ADAMTSL3: variants seen among roughly 807,000 people sequenced by gnomAD.
ADAMTSL3 encodes ADAMTS like 3.
Under a neutral mutation model 201.7 loss-of-function variants are expected in ADAMTSL3, and 128 were observed. The ratio of observed to expected loss-of-function variants is 0.63; its 90% confidence interval spans 0.55 to 0.73. ADAMTSL3 has a LOEUF of 0.73. Ranked by LOEUF, ADAMTSL3 falls within the 30% of genes least tolerant of loss-of-function variation. ADAMTSL3 has a pLI of 0.00. For missense variants in ADAMTSL3, 1,990 were observed against 2,119.6 expected, an observed-to-expected ratio of 0.94 and a Z score of 1.20; for synonymous variants, 738 against 748.4, an observed-to-expected ratio of 0.99 and a Z score of 0.23.
intron 3 of ADAMTSL3, among the ~76,000 whole-genome samples, chr15:83,708,966 C>T (rs1485868948): frequency 6.6e-6 from 1 of 152,126 alleles, no homozygotes; most frequent in African/African-American, 2.4e-5. Context: ...CACTCCAAAC[C>T]CAAGGCTCTC....
chr15:83,967,368 A>T (rs1381215774), intron 19 of ADAMTSL3, among the ~76,000 whole-genome samples: 1 of 152,208 alleles, frequency 6.6e-6, no homozygotes, highest in African/African-American at 2.4e-5. Flanking sequence ...AATCACAAGC[A>T]TTCCTATACA....
At chr15:83,935,503 A>G (rs2066445751) in intron 17 of ADAMTSL3, among the ~76,000 whole-genome samples, 2 of 152,154 alleles carry the variant, frequency 1.3e-5, no homozygotes, top group South Asian at 4.1e-4. Context: ...GAATTAATGA[A>G]AAAATATGAA....
At chr15:83,888,796 A>G (rs1411573861) in intron 10 of ADAMTSL3, among the ~76,000 whole-genome samples, 1 of 152,144 alleles carries the variant, frequency 6.6e-6, no homozygotes, top group Non-Finnish European at 1.5e-5. Context: ...CTTGCTTTTT[A>G]TAATGCATAC....
intron 3 of ADAMTSL3, among the ~76,000 whole-genome samples, chr15:83,736,083 C>G (rs918555708): frequency 2.0e-5 from 3 of 152,176 alleles, no homozygotes; most frequent in Non-Finnish European, 4.4e-5. Flanking sequence ...TCCTCAGATT[C>G]ATCCAACATA....
intron 2 of ADAMTSL3, among the ~76,000 whole-genome samples, chr15:83,661,174 G>T (rs1038422132): frequency 1.4e-4 from 21 of 151,980 alleles, no homozygotes; most frequent in Admixed American, 5.2e-4. Flanking sequence ...ATGCTGTTTT[G>T]GTTACTGTAG....
intron 17 of ADAMTSL3, among the ~76,000 whole-genome samples, chr15:83,941,208 ATTCTTTTGTCCTATT>A (rs2066552646): frequency 6.6e-6 from 1 of 151,888 alleles, no homozygotes; most frequent in Non-Finnish European, 1.5e-5. Context: ...TAAAACTTTT[ATTCTTTTGTCCTATT>A]ATATCTGCAT....
At chr15:83,661,281 A>G (rs2061159340) in intron 2 of ADAMTSL3, among the ~76,000 whole-genome samples, 2 of 151,560 alleles carry the variant, frequency 1.3e-5, no homozygotes, top group South Asian at 2.1e-4. Flanking sequence ...TTTTGGTTCC[A>G]TATGAACTTT....
intron 2 of ADAMTSL3, among the ~76,000 whole-genome samples, chr15:83,704,038 G>GA (rs2061813359): frequency 7.1e-6 from 1 of 141,264 alleles, no homozygotes; most frequent in African/African-American, 2.7e-5. Context: ...AAGAAGAAAA[G>GA]AAAATCCTAA....
chr15:83,834,324 G>C lies in ADAMTSL3; in HGVS notation c.601-3765G>C, dbSNP rs760044288. Among the ~76,000 whole-genome samples, 14 of 152,100 alleles carry C rather than the reference G, an allele frequency of 9.2e-5. No individual in the cohort carries two copies. In the East Asian group the frequency reaches 9.6e-4, roughly 10 times the overall value. On this transcript the variant is annotated intron_variant, in intron 6 of 29. Transcript: ENST00000286744. ...TTAATGACCACACCTAACTTCAAAG[G>C]GGGTGGAGAAGTGCAGACCTTCTGT...
chr15:83,868,082 G>A (rs1306000868), intron 8 of ADAMTSL3, among the ~76,000 whole-genome samples: 3 of 152,034 alleles, frequency 2.0e-5, no homozygotes, highest in East Asian at 1.9e-4. Flanking sequence ...AAGTTGGGCC[G>A]TGGGCAGCAG....
At chr15:83,771,076 C>A (rs1340101571) in intron 3 of ADAMTSL3, among the ~76,000 whole-genome samples, 2 of 150,968 alleles carry the variant, frequency 1.3e-5, no homozygotes, top group Non-Finnish European at 2.9e-5. Context: ...ATGTCAAAAA[C>A]AAAACAAAAC....
chr15:83,662,571 A>T (rs75183484), intron 2 of ADAMTSL3, among the ~76,000 whole-genome samples: 53 of 106,414 alleles, frequency 5.0e-4, no homozygotes, highest in South Asian at 8.8e-4. Flanking sequence ...AAAGTATAAT[A>T]AAAAAAAAAA....
At chr15:84,029,320 C>T (rs2068361651) in intron 27 of ADAMTSL3, among the ~76,000 whole-genome samples, 2 of 152,104 alleles carry the variant, frequency 1.3e-5, no homozygotes, top group African/African-American at 4.8e-5. Flanking sequence ...GAGATGGTCT[C>T]AGGTGGAGAT....
chr15:83,825,978 G>A (rs1431485094), intron 6 of ADAMTSL3, among the ~76,000 whole-genome samples: 1 of 152,168 alleles, frequency 6.6e-6, no homozygotes, highest in Non-Finnish European at 1.5e-5. Flanking sequence ...CATTTCAGTG[G>A]CAAAGTGGCA....
At chr15:83,669,659 G>A (rs1327093669) in intron 2 of ADAMTSL3, among the ~76,000 whole-genome samples, 8 of 150,934 alleles carry the variant, frequency 5.3e-5, no homozygotes, top group African/African-American at 1.2e-4. Context: ...TAGTAGAGAC[G>A]GGGTTTCACC....
intron 4 of ADAMTSL3, among the ~76,000 whole-genome samples, chr15:83,777,630 A>G (rs1567138162): frequency 1.3e-5 from 2 of 152,048 alleles, no homozygotes; most frequent in Admixed American, 6.6e-5. Flanking sequence ...AAAGTCAGCA[A>G]CCTCGAGGAT....
At chr15:83,802,692 G>T (rs1009824082) in intron 4 of ADAMTSL3, among the ~76,000 whole-genome samples, 5 of 152,188 alleles carry the variant, frequency 3.3e-5, no homozygotes, top group Admixed American at 1.3e-4. Context: ...AGCTGAGGGT[G>T]GGGGAAGAGG....
chr15:83,808,524 T>G (rs563451019), intron 5 of ADAMTSL3, among the ~76,000 whole-genome samples: 142 of 152,336 alleles, frequency 9.3e-4, no homozygotes, highest in Non-Finnish European at 1.7e-3. Context: ...TTATTGCTAT[T>G]AGTGGGAATG....
intron 27 of ADAMTSL3, among the ~76,000 whole-genome samples, chr15:84,027,760 C>A (rs148337327): frequency 1.3e-5 from 2 of 151,934 alleles, no homozygotes; most frequent in African/African-American, 4.8e-5. Flanking sequence ...AAAACTTGTA[C>A]ATGAATATTT....
Sources: gnomAD v4.1 joint callset for allele counts (sites outside exome capture counted in the v4.1 genomes callset) on GRCh38, gnomAD v4.1.1 for gene constraint, MANE v1.5 for transcripts, NCBI Gene and HGNC (gene_info 2026-07-23, HGNC 2026-07-21) for gene names.